SPPL3: variants seen among roughly 807,000 people sequenced by gnomAD.
SPPL3 encodes the protein signal peptide peptidase-like 3.
A neutral mutation model predicts 42.4 loss-of-function variants in SPPL3; 5 were observed. The ratio of observed to expected loss-of-function variants is 0.12; its 90% CI spans 0.06 to 0.25. The LOEUF is 0.25. SPPL3 is among the 10% of genes least tolerant of loss of function. The probability of loss-of-function intolerance (pLI) is 1.00; values close to 1 mark genes in which losing one functional copy is unlikely to be tolerated. For missense variants in SPPL3, 235 were observed against 489.0 expected, an observed-to-expected ratio of 0.48 and a Z score of 4.90; for synonymous variants, 195 against 181.8, an observed-to-expected ratio of 1.07 and a Z score of -0.58.
At chr12:120,845,319 G>A (rs751064674) in intron 1 of SPPL3, 104 of 345,892 alleles carry the variant, frequency 3.0e-4, no homozygotes, top group Non-Finnish European at 5.3e-4. Context: ...GCTCGTCCTC[G>A]GCCAGCATCC....
chr12:120,866,133 T>A (rs890542845), intron 1 of SPPL3, among the ~76,000 whole-genome samples: 1 of 150,764 alleles, frequency 6.6e-6, no homozygotes, highest in Non-Finnish European at 1.5e-5. Context: ...TATTTCATTA[T>A]ATATTACAGT....
At chr12:120,775,799 C>A (rs550597178) in intron 6 of SPPL3, among the ~76,000 whole-genome samples, 1 of 152,278 alleles carries the variant, frequency 6.6e-6, no homozygotes, top group Admixed American at 6.5e-5. Context: ...GAAGTCCATT[C>A]TTAATGTTAA....
chr12:120,784,372 A>C, intron 4 of SPPL3, 102 bp downstream of exon 4: 1 of 1,260,612 alleles, frequency 7.9e-7, no homozygotes, highest in Admixed American at 2.6e-5. Flanking sequence ...ATAAGGAAAA[A>C]CTTACATGAC....
At chr12:120,892,711 G>A (rs992335763) in intron 1 of SPPL3, among the ~76,000 whole-genome samples, 8 of 152,060 alleles carry the variant, frequency 5.3e-5, no homozygotes, top group African/African-American at 1.9e-4. Context: ...GGCCAGGCGC[G>A]GTGGCTCACG....
At chr12:120,858,024 A>G (rs1179557285) in intron 1 of SPPL3, among the ~76,000 whole-genome samples, 2 of 152,294 alleles carry the variant, frequency 1.3e-5, no homozygotes, top group African/African-American at 4.8e-5. Context: ...ACAACAGGAA[A>G]GCACTGTGGT....
chr12:120,896,743 C>T (rs1392345346), intron 1 of SPPL3, among the ~76,000 whole-genome samples: 2 of 151,558 alleles, frequency 1.3e-5, no homozygotes, highest in Non-Finnish European at 2.9e-5. Flanking sequence ...CGCACCACTA[C>T]ACTCTAGACT....
At chr12:120,808,609 C>A (rs1258602261) in intron 2 of SPPL3, among the ~76,000 whole-genome samples, 1 of 152,242 alleles carries the variant, frequency 6.6e-6, no homozygotes, top group South Asian at 2.1e-4. Context: ...AAAGCAAATA[C>A]TCCATAAAGC....
At chr12:120,861,992 A>T (rs1405921919) in intron 1 of SPPL3, among the ~76,000 whole-genome samples, 1 of 152,192 alleles carries the variant, frequency 6.6e-6, no homozygotes, top group African/African-American at 2.4e-5. Flanking sequence ...AACAATAGTA[A>T]ATAAGTGAAC....
At chr12:120,810,677 T>C in intron 2 of SPPL3, 132 bp downstream of exon 2, 1 of 699,424 alleles carries the variant, frequency 1.4e-6, no homozygotes, top group Non-Finnish European at 2.5e-6. Context: ...ATAGCAGAAC[T>C]CTCTATTCTG....
chr12:120,888,164 C>G (rs1338626210), intron 1 of SPPL3, among the ~76,000 whole-genome samples: 4 of 152,316 alleles, frequency 2.6e-5, no homozygotes, highest in Admixed American at 6.5e-5. Flanking sequence ...CAACCTCTGC[C>G]TCTTGCGTTC....
chr12:120,826,219 G>T (rs993318455), intron 1 of SPPL3, among the ~76,000 whole-genome samples: 1 of 150,388 alleles, frequency 6.6e-6, no homozygotes. Flanking sequence ...CTTGAACCTG[G>T]GAGGCAGAGG....
chr12:120,901,590 TAAAAAAAAAAAAA>T (rs754148484), intron 1 of SPPL3, among the ~76,000 whole-genome samples: 1 of 103,448 alleles, frequency 9.7e-6, no homozygotes, highest in Non-Finnish European at 1.8e-5. Flanking sequence ...GACTCCGTCC[TAAAAAAAAAAAAA>T]AAAAAAAAGG....
intron 8 of SPPL3, 87 bp from the exon 9 acceptor site, chr12:120,767,680 G>C (rs1868962552): frequency 1.5e-6 from 2 of 1,334,032 alleles, no homozygotes; most frequent in Middle Eastern, 2.0e-4. Flanking sequence ...GCTTTTTAAG[G>C]AGTCAAAGAG....
chr12:120,821,213 A>G (rs1812236849), intron 1 of SPPL3, among the ~76,000 whole-genome samples: 2 of 152,184 alleles, frequency 1.3e-5, no homozygotes, highest in African/African-American at 4.8e-5. Flanking sequence ...GGGGAGAGGG[A>G]TTGAAACAGA....
At chr12:120,792,431 G>T (rs1241203010) in intron 2 of SPPL3, among the ~76,000 whole-genome samples, 1 of 152,170 alleles carries the variant, frequency 6.6e-6, no homozygotes, top group Admixed American at 6.5e-5. Flanking sequence ...TGTGGGTGCA[G>T]TGGCTCACGC....
At chr12:120,876,292 G>T (rs1000061871) in intron 1 of SPPL3, among the ~76,000 whole-genome samples, 1 of 152,008 alleles carries the variant, frequency 6.6e-6, no homozygotes, top group African/African-American at 2.4e-5. Flanking sequence ...TGGGTCAAAG[G>T]AAATAATAAG....
Position 120,779,807 on chromosome 12 carries a change from T to C in SPPL3, c.502+2848A>G, listed in dbSNP as rs1187810435. ...CTGGCCAACGTGGCGAAACCTTGTC[T>C]CTACTAAAAATACAAAAAAAAAAAA... On this transcript the variant is annotated intron_variant, in intron 6 of 10. Coordinates refer to ENST00000353487, the MANE Select transcript of SPPL3 (RefSeq NM_139015.5). Among the ~76,000 whole-genome samples the C allele has an allele frequency of 3.3e-5, 3 of 89,694 alleles. No individual in the cohort carries two copies. In the East Asian group the frequency reaches 1.0e-3, roughly 30 times the overall value. The allele number at this position is 89,694 out of a possible 152,430, so 58.8% of individuals were successfully genotyped here.
chr12:120,830,060 A>G (rs142814818), intron 1 of SPPL3, among the ~76,000 whole-genome samples: 48 of 150,478 alleles, frequency 3.2e-4, no homozygotes, highest in African/African-American at 9.5e-4. Context: ...ATCTGACTTT[A>G]GTATCCCAGT....
chr12:120,803,805 C>T (rs963026051), intron 2 of SPPL3, among the ~76,000 whole-genome samples: 4 of 152,128 alleles, frequency 2.6e-5, no homozygotes. Context: ...TCATTCCCTA[C>T]GTCATCTAAC....
Sources: allele counts gnomAD v4.1 joint callset (sites outside exome capture counted in the v4.1 genomes callset), GRCh38; gene constraint gnomAD v4.1.1; transcripts MANE v1.5; gene names NCBI Gene and HGNC (gene_info 2026-07-23, HGNC 2026-07-21).